Variants in ANKRD36B observed in about 807,000 individuals in gnomAD.
ANKRD36B encodes ankyrin repeat domain-containing protein 36B.
A neutral mutation model predicts 135.7 loss-of-function variants in ANKRD36B; 37 were observed. The observed-to-expected ratio is 0.27, with a 90% CI of 0.21 to 0.36. The LOEUF (loss-of-function observed/expected upper bound fraction) is 0.36. Ranked by LOEUF, ANKRD36B falls within the 10% of genes least tolerant of loss-of-function variation. ANKRD36B has a pLI of 1.00. For synonymous variants in ANKRD36B, 179 were observed against 348.1 expected, an observed-to-expected ratio of 0.51 and a Z score of 5.41; for missense variants, 549 against 1,037.1, an observed-to-expected ratio of 0.53 and a Z score of 6.46.
chr2:97,573,782 T>G (rs912114650), intron 6 of ANKRD36B, among the ~76,000 whole-genome samples: 13 of 152,050 alleles, frequency 8.5e-5, no homozygotes, highest in African/African-American at 2.7e-4. Flanking sequence ...AAACAAGCAA[T>G]GGGGAAAGGA....
intron 1 of ANKRD36B, among the ~76,000 whole-genome samples, chr2:97,586,172 AC>A (rs889792819): frequency 6.6e-5 from 10 of 152,238 alleles, no homozygotes; most frequent in Non-Finnish European, 1.0e-4. Flanking sequence ...AAATAAAAAA[AC>A]AAATTTTTAA....
At chr2:97,546,342 G>A (rs2104576865) in intron 22 of ANKRD36B, among the ~76,000 whole-genome samples, 1 of 151,826 alleles carries the variant, frequency 6.6e-6, no homozygotes, top group East Asian at 1.9e-4. Context: ...CATTTCAGTT[G>A]AACGTACACT....
At position 97,548,548 on chromosome 2, in the gene ANKRD36B, A is replaced by G. The variant is rs60301359; in HGVS notation, c.1478-817T>C. On this transcript the variant is annotated intron_variant, in intron 20 of 43. Coordinates refer to ENST00000359901, the MANE Select transcript of ANKRD36B (RefSeq NM_001393939.1). Reference sequence around the variant, plus strand: ...TTGAAAATGACCATTTTAGGAGTTAATTAGAATCCAGCATAATTTTTGTTT... The same window carrying G: ...TTGAAAATGACCATTTTAGGAGTTAGTTAGAATCCAGCATAATTTTTGTTT... Among the ~76,000 whole-genome samples, 957 of 152,020 alleles carry G rather than the reference A, an allele frequency of 6.3e-3. No homozygotes were observed. In the East Asian group the frequency reaches 0.1, roughly 16 times the overall value.
chr2:97,539,560 C>G lies in ANKRD36B; in HGVS notation c.1987+474G>C, dbSNP rs562633102. On this transcript the variant is annotated intron_variant, in intron 30 of 43. Transcript: ENST00000359901. The stretch of plus-strand genomic sequence containing the variant: ...AATAACTTCTTATTTTCCCTCCTTT[C>G]TGCCTGACAATCCCTCTTCCTTGAG... Among the ~76,000 whole-genome samples the G allele has an allele frequency of 5.2e-5, 5 of 96,992 alleles. 2 individuals carry two copies. Among genetic ancestry groups the G allele is most frequent in the Non-Finnish European group, 1.4e-4 (5 of 36,400 alleles). The allele number at this position is 96,992 out of a possible 152,430, so 63.6% of individuals were successfully genotyped here. A position where few individuals can be genotyped will look rare whatever the true frequency, so the allele number is the denominator to read the frequency against.
In ANKRD36B at chr2:97,532,306, C is replaced by T; in HGVS notation, c.2265+5G>A. The T allele has an allele frequency of 7.8e-6, 5 of 644,662 alleles. 1 individual carries two copies. The highest frequency in any genetic ancestry group is 1.3e-5 in the Non-Finnish European group (5 of 384,004). The allele number at this position is 644,662 out of a possible 1,614,324, so 39.9% of individuals were successfully genotyped here. A position where few individuals can be genotyped will look rare whatever the true frequency, so the allele number is the denominator to read the frequency against. ...CCAGAAATTTGATTTTAAATTTTTA[C>T]ATACCTGTGGCTGGTTATTTTCATA... On this transcript the variant is annotated splice_donor_5th_base_variant and intron_variant, in intron 35 of 43. Coordinates refer to ENST00000359901, the MANE Select transcript of ANKRD36B (RefSeq NM_001393939.1).
chr2:97,557,030 A>T, intron 11 of ANKRD36B, 21 bp from the exon 12 acceptor site: 1 of 1,549,708 alleles, frequency 6.5e-7, no homozygotes, highest in Non-Finnish European at 8.7e-7. Flanking sequence ...AGAGAAACAA[A>T]ATAGTCAATA....
chr2:97,569,701 G>C (rs1487081445), intron 6 of ANKRD36B, among the ~76,000 whole-genome samples: 3 of 151,974 alleles, frequency 2.0e-5, no homozygotes, highest in African/African-American at 7.2e-5. Flanking sequence ...ATATTGCTGA[G>C]AATATTAAAC....
chr2:97,546,746 A>T lies in ANKRD36B; in HGVS notation c.1579+790T>A, dbSNP rs2079505879. 2.6e-5 allele frequency among the ~76,000 whole-genome samples: 4 copies of T among 151,868 alleles called. No homozygotes were observed. The South Asian group carries it at 8.3e-4, about 31-fold the overall frequency. On this transcript the variant is annotated intron_variant, in intron 22 of 43. Transcript: ENST00000359901. ...GGAGGACCATGTTATTCTCGAAAGA[A>T]GTTTCATGAAATAGCTATTTCATCC... is the stretch of plus-strand genomic sequence containing the variant.
At chr2:97,525,777 A>G (rs2078169350) in intron 35 of ANKRD36B, among the ~76,000 whole-genome samples, 1 of 98,114 alleles carries the variant, frequency 1.0e-5, no homozygotes, top group South Asian at 2.3e-4. Context: ...AGACAGTCCT[A>G]TGCCCATTGA....
chr2:97,560,584 C>G, intron 8 of ANKRD36B, 81 bp downstream of exon 8: 1 of 1,566,740 alleles, frequency 6.4e-7, no homozygotes, highest in Non-Finnish European at 8.7e-7. Context: ...CTTATATGAA[C>G]TCCCCACTGA....
At chr2:97,554,789 T>C (rs1015083625) in intron 14 of ANKRD36B, among the ~76,000 whole-genome samples, 1 of 151,956 alleles carries the variant, frequency 6.6e-6, no homozygotes, top group Non-Finnish European at 1.5e-5. Context: ...AGCAAAATTA[T>C]GCTGTCCCCT....
chr2:97,580,092 A>T (rs955262565), intron 4 of ANKRD36B, among the ~76,000 whole-genome samples: 15 of 152,256 alleles, frequency 9.9e-5, no homozygotes, highest in Non-Finnish European at 1.6e-4. Flanking sequence ...AAAAACTAAC[A>T]TGAAACCCCT....
chr2:97,587,492 G>C (rs2083098086), intron 1 of ANKRD36B, among the ~76,000 whole-genome samples: 1 of 151,994 alleles, frequency 6.6e-6, no homozygotes, highest in African/African-American at 2.4e-5. Context: ...TGTATCTACT[G>C]ACATCTGCAA....
chr2:97,549,644 C>G (rs376631996), intron 18 of ANKRD36B, 30 bp from the exon 19 acceptor site: 104 of 1,606,600 alleles, frequency 6.5e-5, no homozygotes, highest in Non-Finnish European at 8.2e-5. Flanking sequence ...CATAATCACT[C>G]ATATGTAAAT....
Position 97,513,354 on chromosome 2 carries a change from T to C in ANKRD36B, c.2631A>G (p.Ile877Met), listed in dbSNP as rs879259208. ...TTCTTCTTTTCTTTTTTTCTTGCTG[T>C]ATGGCAAATCTGTAAATATACTTAT... Reference protein sequence around the residue: ...EKELCSLRFAIQQEKKKRRNV... With the variant: ...EKELCSLRFAMQQEKKKRRNV... The change falls in exon 38 of 44, where the codon ATA (isoleucine) becomes ATG (methionine). Residue 877 changes from isoleucine to methionine, a missense_variant. Ile to Met is a conservative substitution (Grantham distance 10). Transcript: ENST00000359901. The C allele has an allele frequency of 4.6e-6, 7 of 1,534,436 alleles. 1 individual carries two copies. The Admixed American group carries it at 9.6e-5, about 21-fold the overall frequency.
rs1188746306 is a variant in ANKRD36B, at chr2:97,578,886, C to T, written c.695+20G>A. On this transcript the variant is annotated intron_variant, in intron 5 of 43. Transcript: ENST00000359901. ...AAACTTCAATTTAGTGTTCATTAGC[C>T]TTTTTACGTAAAGACTTACACTCTA... The T allele has an allele frequency of 5.6e-6, 9 of 1,607,362 alleles. No individual in the cohort carries two copies. Among genetic ancestry groups the T allele is most frequent in the East Asian group, 2.2e-5 (1 of 44,774 alleles).
At position 97,558,800 on chromosome 2, in the gene ANKRD36B, T is replaced by G. The variant is rs764840667; in HGVS notation, c.966A>C (p.Thr322=). The change falls in exon 10 of 44, where the codon ACA becomes ACC. Residue 322 remains threonine (T), a splice_region_variant and synonymous_variant. Coordinates refer to ENST00000359901, the MANE Select transcript of ANKRD36B (RefSeq NM_001393939.1). ...ATTAAATGTGTTTTGCAAAATTACC[T>G]GTCCCAGATTGTTGTCCCTCCTTTA... ...TEIKEGQQSG[T]VSPQKQSAQK... 2.5e-6 allele frequency: 4 copies of G among 1,611,396 alleles called. No homozygotes were observed. The highest frequency in any genetic ancestry group is 2.5e-6 in the Non-Finnish European group (3 of 1,178,660).
chr2:97,554,355 C>CA (rs974524512), intron 14 of ANKRD36B, among the ~76,000 whole-genome samples: 5 of 151,810 alleles, frequency 3.3e-5, no homozygotes, highest in African/African-American at 9.7e-5. Flanking sequence ...ATTTTTATAA[C>CA]AAAAATCAAC....
chr2:97,587,714 T>C (rs946343514), intron 1 of ANKRD36B, among the ~76,000 whole-genome samples: 2 of 152,200 alleles, frequency 1.3e-5, no homozygotes, highest in African/African-American at 4.8e-5. Context: ...GTGTGATACT[T>C]ACCAACAAAT....
Sources: gnomAD v4.1 joint callset for allele counts (sites outside exome capture counted in the v4.1 genomes callset) on GRCh38, gnomAD v4.1.1 for gene constraint, MANE v1.5 for transcripts, NCBI Gene and HGNC (gene_info 2026-07-23, HGNC 2026-07-21) for gene names.